SLC35F4: variants seen among roughly 807,000 people sequenced by gnomAD.
SLC35F4 encodes the protein solute carrier family 35 member F4, also known as chromosome 14 open reading frame 36.
Under a neutral mutation model 44.2 loss-of-function variants are expected in SLC35F4, and 24 were observed. That is an observed-to-expected ratio of 0.54 (90% confidence interval 0.39 to 0.76). The LOEUF (loss-of-function observed/expected upper bound fraction) is 0.76. Among genes scored for constraint, SLC35F4 ranks in the 30% least tolerant of loss-of-function variants. The pLI is 0.00. For synonymous variants in SLC35F4, 238 were observed against 223.6 expected (o/e 1.06, Z -0.57); for missense variants, 562 against 586.1 (o/e 0.96, Z 0.42).
intron 1 of SLC35F4, among the ~76,000 whole-genome samples, chr14:57,732,405 T>C (rs905942940): frequency 2.6e-5 from 4 of 152,178 alleles, no homozygotes; most frequent in Non-Finnish European, 5.9e-5. Context: ...AAAAAATGCA[T>C]CTTATGTAAC....
chr14:57,724,112 G>A (rs907813025), intron 1 of SLC35F4, among the ~76,000 whole-genome samples: 2 of 152,180 alleles, frequency 1.3e-5, no homozygotes, highest in Non-Finnish European at 2.9e-5. Context: ...TGATACTCTG[G>A]CCCATTTATC....
chr14:57,892,452 A>G (rs1043009430), intron 1 of SLC35F4, among the ~76,000 whole-genome samples: 3 of 152,206 alleles, frequency 2.0e-5, no homozygotes, highest in African/African-American at 7.2e-5. Flanking sequence ...CTACCTATCG[A>G]CTAAGCCCAT....
chr14:57,741,927 T>C (rs1462132716), intron 1 of SLC35F4, among the ~76,000 whole-genome samples: 1 of 152,082 alleles, frequency 6.6e-6, no homozygotes, highest in Non-Finnish European at 1.5e-5. Flanking sequence ...TTCAACATTC[T>C]CAAAGAAAGG....
Position 57,765,397 on chromosome 14 carries a change from C to T in SLC35F4, c.103+100326G>A, listed in dbSNP as rs2077213067. Among the ~76,000 whole-genome samples the T allele has an allele frequency of 1.3e-5, 2 of 152,188 alleles. 1 individual carries two copies. ...CTCTACAGGTTCCCGTCAGTCAGAT[C>T]TGGAGTATGAGGCAAAAAGTTGGCC... On this transcript the variant is annotated intron_variant, in intron 1 of 7. Coordinates refer to ENST00000556826, the MANE Select transcript of SLC35F4 (RefSeq NM_001306087.2).
intron 1 of SLC35F4, among the ~76,000 whole-genome samples, chr14:57,838,684 T>C (rs1364408845): frequency 2.0e-5 from 3 of 152,134 alleles, no homozygotes; most frequent in Non-Finnish European, 2.9e-5. Flanking sequence ...TAGCACGTGA[T>C]CAAGTGCCAA....
At chr14:57,785,621 GA>G (rs1334897495) in intron 1 of SLC35F4, among the ~76,000 whole-genome samples, 3 of 152,272 alleles carry the variant, frequency 2.0e-5, no homozygotes, top group Non-Finnish European at 4.4e-5. Context: ...GTGGGGAAGG[GA>G]GACCCTCCTC....
At chr14:57,708,384 A>G (rs749163151) in intron 1 of SLC35F4, among the ~76,000 whole-genome samples, 28 of 152,202 alleles carry the variant, frequency 1.8e-4, no homozygotes, top group South Asian at 6.2e-4. Flanking sequence ...TTGAGTAATA[A>G]TAAAACTCTG....
chr14:57,569,575 C>G (rs770630867), intron 6 of SLC35F4, among the ~76,000 whole-genome samples: 1 of 152,148 alleles, frequency 6.6e-6, no homozygotes, highest in Non-Finnish European at 1.5e-5. Context: ...CAGTGCACAC[C>G]TTAACTCATG....
chr14:57,625,370 T>C (rs2072420527), intron 1 of SLC35F4, among the ~76,000 whole-genome samples: 1 of 152,076 alleles, frequency 6.6e-6, no homozygotes, highest in African/African-American at 2.4e-5. Context: ...AAAATGGCCA[T>C]ACTGCCCCAA....
chr14:57,621,486 C>T (rs1352485971), intron 1 of SLC35F4, among the ~76,000 whole-genome samples: 1 of 151,982 alleles, frequency 6.6e-6, no homozygotes, highest in Non-Finnish European at 1.5e-5. Flanking sequence ...ATCAATGGAA[C>T]AGAACAGAGC....
At chr14:57,598,358 A>G (rs2070614677) in intron 1 of SLC35F4, among the ~76,000 whole-genome samples, 1 of 152,252 alleles carries the variant, frequency 6.6e-6, no homozygotes, top group Admixed American at 6.5e-5. Flanking sequence ...AGCAGAGCGA[A>G]CATCGCAACA....
chr14:57,776,691 T>TAAAAAAAAAAAAA (rs2077498893), intron 1 of SLC35F4, among the ~76,000 whole-genome samples: 3 of 126,570 alleles, frequency 2.4e-5, no homozygotes, highest in African/African-American at 9.2e-5. Context: ...AAAAAAAAAT[T>TAAAAAAAAAAAAA]AAAGGCAGCT....
intron 1 of SLC35F4, among the ~76,000 whole-genome samples, chr14:57,777,050 T>C (rs115274127): frequency 0.01 from 1,587 of 152,142 alleles, 27 homozygotes; most frequent in African/African-American, 0.036. Flanking sequence ...GTCAGCATAA[T>C]AACTAACTAA....
rs184998037 is a variant in SLC35F4 at position 57,825,122 on chromosome 14, T to A, written c.103+40601A>T. Among the ~76,000 whole-genome samples, 303 of 152,138 alleles carry A rather than the reference T, an allele frequency of 2.0e-3. 2 individuals carry two copies. Among genetic ancestry groups the A allele is most frequent in the African/African-American group, 7.0e-3 (290 of 41,504 alleles). On this transcript the variant is annotated intron_variant, in intron 1 of 7. Coordinates refer to ENST00000556826, the MANE Select transcript of SLC35F4 (RefSeq NM_001306087.2). ...GCTTGTGGAGGATTTGGAGGTGGGA[T>A]CTGTATGGACCATGCCAAGGTCTTA... is the stretch of plus-strand genomic sequence containing the variant.
rs370009024 is a variant in SLC35F4, at chr14:57,945,439, A to AGTGTG, written n.282+36473_282+36474insCACAC. On this transcript the variant is annotated intron_variant and non_coding_transcript_variant, in intron 1 of 1. Coordinates refer to the SLC35F4 transcript ENST00000556568. ...TCTTTACCAGGTAAGAGCAATGATA[A>AGTGTG]TGTGTGTGTGTGTGTGTGTGTGTGT... Among the ~76,000 whole-genome samples the AGTGTG allele has an allele frequency of 4.8e-5, 5 of 104,690 alleles. 1 individual carries two copies. The highest frequency in any genetic ancestry group is 2.4e-4 in the African/African-American group (5 of 20,668). 68.7% of individuals were successfully genotyped at this position (104,690 alleles called of 152,430 possible).
chr14:57,649,577 T>C (rs1566725482), intron 1 of SLC35F4, among the ~76,000 whole-genome samples: 1 of 152,210 alleles, frequency 6.6e-6, no homozygotes, highest in African/African-American at 2.4e-5. Flanking sequence ...CTTTTTGCTA[T>C]GTAAGGTAAC....
intron 1 of SLC35F4, among the ~76,000 whole-genome samples, chr14:57,880,081 GA>G (rs1394018193): frequency 7.9e-6 from 1 of 125,816 alleles, no homozygotes; most frequent in Non-Finnish European, 1.6e-5. Flanking sequence ...AGGAAGGAAG[GA>G]AGGAAGGAAG....
At chr14:57,747,693 T>C (rs889749896) in intron 1 of SLC35F4, among the ~76,000 whole-genome samples, 1 of 152,202 alleles carries the variant, frequency 6.6e-6, no homozygotes, top group East Asian at 1.9e-4. Context: ...ATTCTATTCT[T>C]ATACCTAGCT....
chr14:57,812,380 T>C (rs8012323), intron 1 of SLC35F4, among the ~76,000 whole-genome samples: 75,141 of 151,998 alleles, frequency 0.49, 21,578 homozygotes, highest in African/African-American at 0.78. Context: ...TGTCAGTCCC[T>C]ACCCTCCTGG....
Sources: gnomAD v4.1 joint callset for allele counts (sites outside exome capture counted in the v4.1 genomes callset) on GRCh38, gnomAD v4.1.1 for gene constraint, MANE v1.5 for transcripts, NCBI Gene and HGNC (gene_info 2026-07-23, HGNC 2026-07-21) for gene names.